Variants in CYB5B observed in about 807,000 individuals in gnomAD.
The protein encoded by CYB5B is cytochrome b5 type B, also known as cytochrome b5 type B (outer mitochondrial membrane).
Under a neutral mutation model 21.3 loss-of-function variants are expected in CYB5B, and 14 were observed. The observed-to-expected ratio is 0.66, with a 90% CI of 0.43 to 1.03. CYB5B has a LOEUF of 1.03. Ranked by LOEUF, CYB5B falls within the 50% of genes least tolerant of loss-of-function variation. The pLI, the probability that CYB5B is intolerant of heterozygous loss-of-function variation, is 0.00. For synonymous variants in CYB5B, 69 were observed against 68.4 expected (o/e 1.01, Z -0.04); for missense variants, 166 against 185.1 (o/e 0.90, Z 0.60).
rs2015084313 is a variant in CYB5B at position 69,465,826 on chromosome 16, C to G, written c.*3306C>G. 1 of 152,152 alleles carries G rather than the reference C, an allele frequency of 6.6e-6. No individual in the cohort carries two copies. The highest frequency in any genetic ancestry group is 2.4e-5 in the African/African-American group (1 of 41,444). The allele number at this position is 152,152 out of a possible 1,614,324, so 9.4% of individuals were successfully genotyped here. Reference sequence around the variant, plus strand: ...AGAAATTGATTTTTTTTTAAACTATCTTATTCTGTTGCCAAATATCACAGA... The same window carrying G: ...AGAAATTGATTTTTTTTTAAACTATGTTATTCTGTTGCCAAATATCACAGA... On this transcript the variant is annotated 3_prime_UTR_variant, in exon 5 of 5. Coordinates refer to ENST00000307892, the MANE Select transcript of CYB5B (RefSeq NM_030579.3).
rs575251021 is a variant in CYB5B at position 69,432,556 on chromosome 16, T to C, written c.174+7699T>C. ...ACATGTATATACTTATATATACAAA[T>C]ATGTACAAATATATACAGAAATAGA... On this transcript the variant is annotated intron_variant, in intron 1 of 4. Coordinates refer to ENST00000307892, the MANE Select transcript of CYB5B (RefSeq NM_030579.3). 3.0e-4 allele frequency among the ~76,000 whole-genome samples: 46 copies of C among 152,350 alleles called. 1 individual carries two copies. Among genetic ancestry groups the C allele is most frequent in the African/African-American group, 1.1e-3 (45 of 41,596 alleles).
intron 1 of CYB5B, among the ~76,000 whole-genome samples, chr16:69,438,383 CTG>C (rs1167880895): frequency 2.6e-5 from 4 of 152,152 alleles, no homozygotes; most frequent in Admixed American, 2.6e-4. Flanking sequence ...CTGTGTGAAT[CTG>C]TTTTTAATTC....
intron 1 of CYB5B, among the ~76,000 whole-genome samples, chr16:69,439,273 C>T (rs903741721): frequency 2.6e-5 from 4 of 152,132 alleles, no homozygotes; most frequent in South Asian, 2.1e-4. Context: ...AATGGGAGCT[C>T]GATCTTGGCT....
chr16:69,426,186 T>C (rs1056237247), intron 1 of CYB5B, among the ~76,000 whole-genome samples: 2 of 151,574 alleles, frequency 1.3e-5, no homozygotes, highest in Admixed American at 1.3e-4. Flanking sequence ...GATCACGACG[T>C]CAGGAGATCG....
chr16:69,454,594 A>G (rs956169302), intron 3 of CYB5B, among the ~76,000 whole-genome samples: 1 of 152,220 alleles, frequency 6.6e-6, no homozygotes, highest in Non-Finnish European at 1.5e-5. Context: ...ATTTGAAGCC[A>G]GAAGTTCCCA....
At chr16:69,458,296 C>G (rs181621147) in intron 3 of CYB5B, among the ~76,000 whole-genome samples, 2 of 152,202 alleles carry the variant, frequency 1.3e-5, no homozygotes, top group Admixed American at 1.3e-4. Context: ...TTCCATTTCC[C>G]CACAACTCGT....
intron 1 of CYB5B, among the ~76,000 whole-genome samples, chr16:69,428,414 C>CT (rs1457579960): frequency 2.0e-5 from 3 of 152,036 alleles, no homozygotes; most frequent in Non-Finnish European, 4.4e-5. Context: ...AATCCCAGCA[C>CT]TTTGGGAGGC....
Position 69,424,842 on chromosome 16 carries a change from C to T in CYB5B, c.159C>T (p.Thr53=). Residue 53 remains threonine, a synonymous_variant, in exon 1 of 5, where the codon ACC becomes ACT. Coordinates refer to ENST00000307892, the MANE Select transcript of CYB5B (RefSeq NM_030579.3). ...TCCATGGGCGAGTCTACGATGTCAC[C>T]CGCTTCCTCAACGAGGTGGGGCCTG... The part of the protein sequence containing the change: ...LVIHGRVYDV[T]RFLNEHPGGE... The T allele has an allele frequency of 6.3e-7, 1 of 1,583,356 alleles. No homozygotes were observed. Among genetic ancestry groups the T allele is most frequent in the Non-Finnish European group, 8.6e-7 (1 of 1,164,748 alleles).
intron 3 of CYB5B, among the ~76,000 whole-genome samples, chr16:69,453,134 C>T (rs2014952334): frequency 6.6e-6 from 1 of 151,924 alleles, no homozygotes; most frequent in East Asian, 1.9e-4. Context: ...TCCATAGAGG[C>T]TTAACGTGTT....
At chr16:69,432,619 G>A (rs1157087310) in intron 1 of CYB5B, among the ~76,000 whole-genome samples, 1 of 152,052 alleles carries the variant, frequency 6.6e-6, no homozygotes, top group African/African-American at 2.4e-5. Context: ...CCTCGTAGTC[G>A]TCATAGTATT....
chr16:69,434,522 T>C (rs1215961300), intron 1 of CYB5B, among the ~76,000 whole-genome samples: 1 of 152,222 alleles, frequency 6.6e-6, no homozygotes, highest in Admixed American at 6.5e-5. Context: ...TCTTCACATC[T>C]TCATTGATAC....
At chr16:69,424,983 A>C in intron 1 of CYB5B, 126 bp downstream of exon 1, 5 of 983,114 alleles carry the variant, frequency 5.1e-6, no homozygotes, top group Non-Finnish European at 6.9e-6. Context: ...AGGGATCACG[A>C]CCCTCAGAGG....
chr16:69,442,825 CTTT>C (rs11436895), intron 1 of CYB5B, among the ~76,000 whole-genome samples: 35 of 136,116 alleles, frequency 2.6e-4, no homozygotes, highest in Admixed American at 3.7e-4. Flanking sequence ...CCTAGCTATC[CTTT>C]TTTTTTTTTT....
At chr16:69,433,843 A>C (rs911229837) in intron 1 of CYB5B, among the ~76,000 whole-genome samples, 1 of 152,186 alleles carries the variant, frequency 6.6e-6, no homozygotes, top group Admixed American at 6.5e-5. Context: ...AACATCATAG[A>C]GTATATTTAC....
chr16:69,432,775 C>A (rs952476993), intron 1 of CYB5B, among the ~76,000 whole-genome samples: 4 of 152,028 alleles, frequency 2.6e-5, no homozygotes, highest in African/African-American at 9.7e-5. Context: ...GATTTGAAAT[C>A]AAGCACTGTG....
intron 1 of CYB5B, chr16:69,443,693 A>G (rs2014848435): frequency 6.6e-6 from 1 of 152,440 alleles, no homozygotes; most frequent in Admixed American, 6.5e-5. Flanking sequence ...TGTCTCTACT[A>G]AAAACACAAA....
chr16:69,462,552 A>G lies in CYB5B; in HGVS notation c.*32A>G, dbSNP rs1232395233. The G allele has an allele frequency of 1.1e-5, 17 of 1,578,720 alleles. No individual in the cohort carries two copies. Among genetic ancestry groups the G allele is most frequent in the Non-Finnish European group, 1.4e-5 (16 of 1,148,994 alleles). ...CTTGCTGAAGTTAGAAAGTGCATCCACTTTGGGGCGAAAACTAGAGACTTG... is the reference window on the plus strand; with the variant it reads ...CTTGCTGAAGTTAGAAAGTGCATCCGCTTTGGGGCGAAAACTAGAGACTTG... On this transcript the variant is annotated 3_prime_UTR_variant, in exon 5 of 5. Transcript: ENST00000307892.
At chr16:69,447,982 TG>T in intron 2 of CYB5B, 132 bp from the exon 3 acceptor site, 1 of 885,618 alleles carries the variant, frequency 1.1e-6, no homozygotes, top group Non-Finnish European at 1.8e-6. Flanking sequence ...TATCTTTCTA[TG>T]GATCCTCAAA....
intron 1 of CYB5B, among the ~76,000 whole-genome samples, chr16:69,428,363 A>G (rs1480872221): frequency 6.6e-6 from 1 of 152,206 alleles, no homozygotes; most frequent in Non-Finnish European, 1.5e-5. Flanking sequence ...TGCTAAGAAG[A>G]AAAATAATAC....
Sources: gnomAD v4.1 joint callset for allele counts (sites outside exome capture counted in the v4.1 genomes callset) on GRCh38, gnomAD v4.1.1 for gene constraint, MANE v1.5 for transcripts, NCBI Gene and HGNC (gene_info 2026-07-23, HGNC 2026-07-21) for gene names.